The following PARVB variants were observed in gnomAD, a reference collection of about 807,000 sequenced individuals.
PARVB encodes the protein parvin beta.
PARVB carries 46 observed loss-of-function variants against 47.0 expected under a neutral mutation model. The ratio of observed to expected loss-of-function variants is 0.98; its 90% CI spans 0.77 to 1.25. The LOEUF (loss-of-function observed/expected upper bound fraction) is 1.25. PARVB is among the 50% of genes most tolerant of loss of function. The pLI, the probability that PARVB is intolerant of heterozygous loss-of-function variation, is 0.00. For synonymous variants in PARVB, 196 were observed against 196.3 expected, an observed-to-expected ratio of 1.00 and a Z score of 0.01; for missense variants, 473 against 471.6, an observed-to-expected ratio of 1.00 and a Z score of -0.03.
At position 44,097,912 on chromosome 22, in the gene PARVB, G is replaced by A. The variant is rs370236503; in HGVS notation, c.203-2141G>A. ...ACGCCCCATTCCTCTCAGTGGTCCC[G>A]CCGACTGAGGCAGGACCCCTCAAGA... On this transcript the variant is annotated intron_variant, in intron 2 of 12. Transcript: ENST00000338758. Among the ~76,000 whole-genome samples, 111 of 152,206 alleles carry A rather than the reference G, an allele frequency of 7.3e-4. No homozygotes were observed. The Middle Eastern group carries it at 0.01, about 14-fold the overall frequency.
At chr22:44,013,357 G>A (rs2050543265) in intron 2 of PARVB, among the ~76,000 whole-genome samples, 1 of 152,198 alleles carries the variant, frequency 6.6e-6, no homozygotes, top group Non-Finnish European at 1.5e-5. Flanking sequence ...TATATAGAGG[G>A]AAATGCACAC....
At position 44,147,941 on chromosome 22, in the gene PARVB, G is replaced by A; in HGVS notation, c.774+19G>A. 1 of 1,609,494 alleles carries A rather than the reference G, an allele frequency of 6.2e-7. No homozygotes were observed. The highest frequency in any genetic ancestry group is 1.1e-5 in the South Asian group (1 of 90,886). The stretch of plus-strand genomic sequence containing the variant: ...GAAGAAGGTGAGCTATTGGTGGGAT[G>A]TTGGATGTGCTCTCCCCTGGCTCGC... On this transcript the variant is annotated intron_variant, in intron 9 of 12. Coordinates refer to ENST00000338758, the MANE Select transcript of PARVB (RefSeq NM_013327.5).
At chr22:44,118,103 C>A (rs1381293074) in intron 3 of PARVB, among the ~76,000 whole-genome samples, 1 of 152,066 alleles carries the variant, frequency 6.6e-6, no homozygotes, top group Non-Finnish European at 1.5e-5. Context: ...GAGACTTGTA[C>A]CTGAATGTTC....
rs1173762464 is a variant in PARVB, at chr22:44,170,271, G to T, written c.*1593G>T. On this transcript the variant is annotated 3_prime_UTR_variant, in exon 13 of 13. Coordinates refer to ENST00000338758, the MANE Select transcript of PARVB (RefSeq NM_013327.5). ...CCACCTCAGCCTCCCAAAGTGCTGGGATTATAGGCATGAGCGGACATGCCC... is the reference window on the plus strand; with the variant it reads ...CCACCTCAGCCTCCCAAAGTGCTGGTATTATAGGCATGAGCGGACATGCCC... 1 of 152,142 alleles carries T rather than the reference G, an allele frequency of 6.6e-6. No individual in the cohort carries two copies. The highest frequency in any genetic ancestry group is 1.5e-5 in the Non-Finnish European group (1 of 68,048). The allele number at this position is 152,142 out of a possible 1,614,324, so 9.4% of individuals were successfully genotyped here.
intron 1 of PARVB, chr22:44,086,865 G>A (rs1601581679): frequency 1.0e-6 from 1 of 982,234 alleles, no homozygotes; most frequent in Middle Eastern, 5.2e-4. Flanking sequence ...GTCATTTCCT[G>A]GCAGAGGCCT....
At chr22:44,010,101 C>T (rs116827256) in intron 2 of PARVB, among the ~76,000 whole-genome samples, 10,126 of 152,188 alleles carry the variant, frequency 0.067, 440 homozygotes, top group Non-Finnish European at 0.084. Flanking sequence ...CCACTGCGCC[C>T]GTCCCCATAT....
chr22:44,097,873 A>T (rs1334376206), intron 2 of PARVB, among the ~76,000 whole-genome samples: 1 of 152,084 alleles, frequency 6.6e-6, no homozygotes, highest in Non-Finnish European at 1.5e-5. Context: ...CACCTTTCAC[A>T]GTCTCTGGGT....
At chr22:44,112,101 C>T (rs2052712306) in intron 3 of PARVB, 1 of 152,204 alleles carries the variant, frequency 6.6e-6, no homozygotes, top group African/African-American at 2.4e-5. Context: ...TGTCTGTAAA[C>T]TTGGTGTTGT....
At chr22:44,036,634 C>A (rs1021615822) in intron 1 of PARVB, among the ~76,000 whole-genome samples, 1 of 152,072 alleles carries the variant, frequency 6.6e-6, no homozygotes, top group African/African-American at 2.4e-5. Flanking sequence ...ACTGTAATGT[C>A]TTTCAAAGTA....
At position 44,004,869 on chromosome 22, in the gene PARVB, A is replaced by G. The variant is rs537014455; in HGVS notation, c.211+5196A>G. 3.3e-5 allele frequency among the ~76,000 whole-genome samples: 5 copies of G among 152,298 alleles called. No homozygotes were observed. In the South Asian group the frequency reaches 8.3e-4, roughly 25 times the overall value. On this transcript the variant is annotated intron_variant, in intron 2 of 13. Transcript: ENST00000406477. ...CTTCTGGGCTAAGCCAGAACAGGCAATAGGGTTAAGCACCTGAAGTACATT... is the reference window on the plus strand; with the variant it reads ...CTTCTGGGCTAAGCCAGAACAGGCAGTAGGGTTAAGCACCTGAAGTACATT...
intron 3 of PARVB, among the ~76,000 whole-genome samples, chr22:44,116,544 C>T (rs1047948703): frequency 6.6e-6 from 1 of 152,208 alleles, no homozygotes; most frequent in South Asian, 2.1e-4. Context: ...GTAAGTTAGT[C>T]CACCCATTCA....
intron 3 of PARVB, chr22:44,111,537 C>T (rs2052699160): frequency 7.1e-6 from 1 of 140,590 alleles, no homozygotes; most frequent in South Asian, 2.3e-4. Flanking sequence ...GCAGCTTCCT[C>T]CCAGGCTCAA....
At position 44,075,953 on chromosome 22, in the gene PARVB, C is replaced by G. The variant is rs150311776; in HGVS notation, c.113-17975C>G. 2.6e-3 allele frequency among the ~76,000 whole-genome samples: 392 copies of G among 152,364 alleles called. 3 individuals are homozygous for G. Among genetic ancestry groups the G allele is most frequent in the African/African-American group, 9.0e-3 (375 of 41,586 alleles). ...AGGCCCCTGCCCTGAGGTTGGAGCT[C>G]TCTGACTGCACCTGGCCTAGGCCTG... On this transcript the variant is annotated intron_variant, in intron 1 of 12. Coordinates refer to ENST00000338758, the MANE Select transcript of PARVB (RefSeq NM_013327.5).
chr22:44,115,401 G>T (rs1352363845), intron 3 of PARVB: 2 of 114,164 alleles, frequency 1.8e-5, no homozygotes, highest in Admixed American at 8.1e-5. Context: ...CAGCAACACA[G>T]ATACATTGTT....
chr22:44,131,873 GA>G (rs2053333716), intron 5 of PARVB, among the ~76,000 whole-genome samples: 1 of 152,192 alleles, frequency 6.6e-6, no homozygotes, highest in Non-Finnish European at 1.5e-5. Context: ...TGCTGCAGAG[GA>G]GAGAGGCAAT....
At chr22:44,115,234 A>T (rs1369261510) in intron 3 of PARVB, 1 of 76,630 alleles carries the variant, frequency 1.3e-5, no homozygotes, top group Non-Finnish European at 2.5e-5. Flanking sequence ...GTTACTAACT[A>T]AGGCCCTACA....
intron 2 of PARVB, among the ~76,000 whole-genome samples, chr22:44,018,695 C>T (rs962348344): frequency 1.3e-5 from 2 of 152,116 alleles, no homozygotes; most frequent in Non-Finnish European, 2.9e-5. Flanking sequence ...CACACTGGGT[C>T]AGTTCTCTCA....
In PARVB at chr22:44,132,914, G is replaced by T. The variant is rs1423426866; in HGVS notation, c.538G>T (p.Val180Leu). 2 of 1,613,536 alleles carry T rather than the reference G, an allele frequency of 1.2e-6. No homozygotes were observed. Among genetic ancestry groups the T allele is most frequent in the Admixed American group, 1.7e-5 (1 of 59,990 alleles). The change falls in exon 6 of 13, where the codon GTG becomes TTG. Residue 180 changes from valine (V) to leucine (L), a missense_variant. Val to Leu is a conservative substitution (Grantham distance 32). Coordinates refer to ENST00000338758, the MANE Select transcript of PARVB (RefSeq NM_013327.5). ...TGCAGCAATTCACGGGAAGAACCTG[G>T]TGGCCATCCTCCACCTGCTGGTCTC... ...SVDSIHGKNLVAILHLLVSLA... is the reference protein window; with the variant it reads ...SVDSIHGKNLLAILHLLVSLA...
intron 1 of PARVB, among the ~76,000 whole-genome samples, chr22:44,034,189 C>CAATTAT: frequency 6.7e-6 from 1 of 149,124 alleles, no homozygotes. Flanking sequence ...ACTGCAACAG[C>CAATTAT]AATTATAATT....
Sources: allele counts gnomAD v4.1 joint callset (sites outside exome capture counted in the v4.1 genomes callset), GRCh38; gene constraint gnomAD v4.1.1; transcripts MANE v1.5; gene names NCBI Gene and HGNC (gene_info 2026-07-23, HGNC 2026-07-21).